Variants in EPHB1 observed in about 807,000 individuals in gnomAD.
The protein encoded by EPHB1 is ephrin type-B receptor 1.
Under a neutral mutation model 94.4 loss-of-function variants are expected in EPHB1, and 30 were observed. The observed-to-expected ratio is 0.32, with a 90% CI of 0.24 to 0.43. EPHB1 has a LOEUF of 0.43. Among genes scored for constraint, EPHB1 ranks in the 20% least tolerant of loss-of-function variants. The pLI is 1.00. For missense variants in EPHB1, 1,055 were observed against 1,308.3 expected (o/e 0.81, Z 2.99); for synonymous variants, 522 against 489.1 (o/e 1.07, Z -0.89).
At chr3:135,234,378 T>TATCA (rs76126245) in intron 12 of EPHB1, among the ~76,000 whole-genome samples, 18,463 of 152,132 alleles carry the variant, frequency 0.12, 1,513 homozygotes, top group East Asian at 0.33. Context: ...TCCATATTCC[T>TATCA]ATCAGCATTT....
At chr3:135,202,595 C>A (rs1166063308) in intron 12 of EPHB1, among the ~76,000 whole-genome samples, 1 of 152,206 alleles carries the variant, frequency 6.6e-6, no homozygotes, top group Non-Finnish European at 1.5e-5. Context: ...ACCTACTAAC[C>A]TGTCTATCTG....
At chr3:135,107,025 C>T (rs895406475) in intron 4 of EPHB1, among the ~76,000 whole-genome samples, 4 of 152,136 alleles carry the variant, frequency 2.6e-5, no homozygotes, top group Admixed American at 6.5e-5. Context: ...TCAGAGTGCT[C>T]ATCATTTTAT....
intron 1 of EPHB1, among the ~76,000 whole-genome samples, chr3:134,857,179 G>T (rs750860010): frequency 2.6e-5 from 4 of 152,176 alleles, no homozygotes; most frequent in Non-Finnish European, 4.4e-5. Context: ...GCTCCTGGGA[G>T]GCCAAGTGCT....
intron 3 of EPHB1, among the ~76,000 whole-genome samples, chr3:135,105,050 A>G (rs910200646): frequency 6.6e-6 from 1 of 152,242 alleles, no homozygotes; most frequent in African/African-American, 2.4e-5. Context: ...AAATGGAGAT[A>G]GTAATAGCTA....
At chr3:134,889,178 G>T (rs1484717660) in intron 1 of EPHB1, among the ~76,000 whole-genome samples, 4 of 152,224 alleles carry the variant, frequency 2.6e-5, no homozygotes, top group African/African-American at 9.6e-5. Context: ...ATCTGGTAGT[G>T]AAGACACTTT....
At chr3:135,043,598 G>C (rs1936915348) in intron 3 of EPHB1, among the ~76,000 whole-genome samples, 1 of 152,110 alleles carries the variant, frequency 6.6e-6, no homozygotes, top group East Asian at 1.9e-4. Context: ...TCCCTGTCAG[G>C]TAATCACCTG....
chr3:134,994,151 G>A (rs1477251750), intron 3 of EPHB1, among the ~76,000 whole-genome samples: 1 of 152,174 alleles, frequency 6.6e-6, no homozygotes, highest in African/African-American at 2.4e-5. Context: ...TTTGTGGGGT[G>A]GAGTGGGAAA....
intron 3 of EPHB1, among the ~76,000 whole-genome samples, chr3:134,969,513 C>T (rs567405457): frequency 7.2e-5 from 11 of 152,256 alleles, no homozygotes; most frequent in South Asian, 4.1e-4. Flanking sequence ...TTCTTAGACA[C>T]GCTAGTTTCT....
intron 1 of EPHB1, among the ~76,000 whole-genome samples, chr3:134,818,735 A>G (rs886405153): frequency 2.6e-5 from 4 of 152,204 alleles, no homozygotes; most frequent in Non-Finnish European, 5.9e-5. Context: ...ATTCTATCCT[A>G]TATACTATAT....
chr3:135,068,791 G>A (rs1390039880), intron 3 of EPHB1, among the ~76,000 whole-genome samples: 3 of 151,574 alleles, frequency 2.0e-5, no homozygotes, highest in African/African-American at 4.8e-5. Context: ...TGGGACTACA[G>A]GTGCCTGCCA....
At chr3:134,854,561 A>G (rs1381241860) in intron 1 of EPHB1, among the ~76,000 whole-genome samples, 2 of 152,048 alleles carry the variant, frequency 1.3e-5, no homozygotes, top group Admixed American at 1.3e-4. Flanking sequence ...TGCATCACAG[A>G]GTGTCCTCTC....
At chr3:135,055,273 T>G (rs943866718) in intron 3 of EPHB1, among the ~76,000 whole-genome samples, 12 of 152,222 alleles carry the variant, frequency 7.9e-5, no homozygotes, top group Non-Finnish European at 1.6e-4. Context: ...AAGAACATAT[T>G]GTCCTTAAAT....
chr3:135,248,490 G>A lies in EPHB1; in HGVS notation c.2671G>A (p.Val891Met), dbSNP rs755081922. 13 of 1,606,930 alleles carry A rather than the reference G, an allele frequency of 8.1e-6. No individual in the cohort carries two copies. In the East Asian group the frequency reaches 1.8e-4, roughly 22 times the overall value. Residue 891 changes from valine to methionine, a missense_variant, in exon 14 of 16, where the codon GTG becomes ATG. Physicochemically the swap from Val to Met is conservative, Grantham distance 21. Coordinates refer to ENST00000398015, the MANE Select transcript of EPHB1 (RefSeq NM_004441.5). Reference protein sequence around the residue: ...MIRNPASLKTVATITAVPSQP... With the variant: ...MIRNPASLKTMATITAVPSQP... ...CCGGAACCCGGCAAGTCTCAAGACT[G>A]TGGCAACCATCACCGCCGTGTGAGT...
intron 1 of EPHB1, among the ~76,000 whole-genome samples, chr3:134,873,965 T>C (rs942759987): frequency 6.6e-6 from 1 of 152,034 alleles, no homozygotes; most frequent in African/African-American, 2.4e-5. Flanking sequence ...TGGGGAATTC[T>C]CCTCTCCACA....
At chr3:134,997,404 C>T (rs1255470711) in intron 3 of EPHB1, among the ~76,000 whole-genome samples, 2 of 152,170 alleles carry the variant, frequency 1.3e-5, no homozygotes, top group African/African-American at 4.8e-5. Context: ...ATCTTTAATT[C>T]AGTAACATTT....
intron 12 of EPHB1, among the ~76,000 whole-genome samples, chr3:135,220,284 G>T (rs1373274984): frequency 2.6e-5 from 4 of 152,164 alleles, no homozygotes; most frequent in Non-Finnish European, 5.9e-5. Flanking sequence ...CACCCCGCAG[G>T]CATTCTAGCT....
chr3:134,795,274 C>T lies in EPHB1; in HGVS notation c.-358C>T. The T allele has an allele frequency of 2.6e-6, 1 of 388,218 alleles. No individual in the cohort carries two copies. The highest frequency in any genetic ancestry group is 4.0e-5 in the South Asian group (1 of 25,292). 24.0% of individuals were successfully genotyped at this position (388,218 alleles called of 1,614,324 possible). A position where few individuals can be genotyped will look rare whatever the true frequency, so the allele number is the denominator to read the frequency against. On this transcript the variant is annotated 5_prime_UTR_variant, in exon 1 of 16. Transcript: ENST00000398015. The stretch of plus-strand genomic sequence containing the variant: ...CCTCCCGCGTCAGTCTGGCCGGCTC[C>T]GTCCTCCCGTAGGCTCCGCTGTAGC...
rs200311306 is a variant in EPHB1, at chr3:135,248,344, G to A, written c.2525G>A (p.Arg842Gln). The change falls in exon 14 of 16, where the codon CGG becomes CAG. Residue 842 changes from arginine to glutamine, a missense_variant. Coordinates refer to ENST00000398015, the MANE Select transcript of EPHB1 (RefSeq NM_004441.5). ...DVINAIEQDY[R>Q]LPPPMDCPAA... ...ATCAATGCCATCGAGCAGGACTACC[G>A]GCTGCCCCCACCCATGGACTGTCCA... The A allele has an allele frequency of 1.0e-5, 16 of 1,597,224 alleles. No homozygotes were observed. The highest frequency in any genetic ancestry group is 2.7e-5 in the African/African-American group (2 of 74,588).
chr3:134,911,449 G>C (rs1311123019), intron 1 of EPHB1, among the ~76,000 whole-genome samples: 1 of 152,142 alleles, frequency 6.6e-6, no homozygotes, highest in East Asian at 1.9e-4. Flanking sequence ...GTTTTAGAGG[G>C]CTGGAGGGAT....
Sources: gnomAD v4.1 joint callset for allele counts (sites outside exome capture counted in the v4.1 genomes callset) on GRCh38, gnomAD v4.1.1 for gene constraint, MANE v1.5 for transcripts, NCBI Gene and HGNC (gene_info 2026-07-23, HGNC 2026-07-21) for gene names.